The following DMXL1 variants were observed in gnomAD, a reference collection of about 807,000 sequenced individuals.
DMXL1 encodes Dmx like 1.
DMXL1 carries 99 observed loss-of-function variants against 319.2 expected under a neutral mutation model. The observed-to-expected ratio is 0.31, with a 90% confidence interval of 0.26 to 0.37. DMXL1 has a LOEUF of 0.37. Among genes scored for constraint, DMXL1 ranks in the 10% least tolerant of loss-of-function variants. DMXL1 has a pLI of 1.00. For missense variants in DMXL1, 3,745 were observed against 3,595.6 expected (o/e 1.04, Z -1.06); for synonymous variants, 1,385 against 1,235.2 (o/e 1.12, Z -2.54).
intron 8 of DMXL1, among the ~76,000 whole-genome samples, chr5:119,119,618 C>G (rs1761592303): frequency 6.6e-6 from 1 of 150,398 alleles, no homozygotes; most frequent in African/African-American, 2.5e-5. Context: ...TCACTGTATT[C>G]CTGGCCTTAG....
intron 34 of DMXL1, among the ~76,000 whole-genome samples, chr5:119,213,969 C>T (rs934239920): frequency 6.6e-6 from 1 of 152,054 alleles, no homozygotes; most frequent in Non-Finnish European, 1.5e-5. Context: ...CTGAATTGTC[C>T]TTTTTCCCAT....
intron 34 of DMXL1, among the ~76,000 whole-genome samples, chr5:119,209,552 T>A (rs1405269078): frequency 1.3e-5 from 2 of 152,046 alleles, no homozygotes; most frequent in Non-Finnish European, 2.9e-5. Flanking sequence ...TTCTCCATGT[T>A]GCTCAGGCTG....
chr5:119,122,752 C>T lies in DMXL1; in HGVS notation c.1102+1613C>T, dbSNP rs571034837. On this transcript the variant is annotated intron_variant, in intron 9 of 43. Coordinates refer to ENST00000539542, the MANE Select transcript of DMXL1 (RefSeq NM_001290321.3). ...CTCACTTCCTAGATGTGATGGTGGC[C>T]GGGAAGAGGCGCTCCTCACTTACTA... is the stretch of plus-strand genomic sequence containing the variant. Among the ~76,000 whole-genome samples the T allele has an allele frequency of 1.1e-3, 173 of 151,348 alleles. No homozygotes were observed. The East Asian group carries it at 0.014, about 12-fold the overall frequency.
At chr5:119,240,184 G>A (rs2150734823) in intron 41 of DMXL1, among the ~76,000 whole-genome samples, 1 of 152,122 alleles carries the variant, frequency 6.6e-6, no homozygotes, top group African/African-American at 2.4e-5. Context: ...GAGGTGGGAA[G>A]ATTGCTTGAG....
intron 9 of DMXL1, among the ~76,000 whole-genome samples, chr5:119,122,358 A>G (rs1762337154): frequency 1.4e-5 from 2 of 144,104 alleles, no homozygotes; most frequent in South Asian, 2.2e-4. Flanking sequence ...GGCCGGGCAG[A>G]GGGGCTCCTC....
chr5:119,143,826 T>C lies in DMXL1; in HGVS notation c.2377-15T>C. The C allele has an allele frequency of 6.5e-7, 1 of 1,540,704 alleles. No individual in the cohort carries two copies. On this transcript the variant is annotated splice_polypyrimidine_tract_variant and intron_variant, in intron 13 of 43. Coordinates refer to ENST00000539542, the MANE Select transcript of DMXL1 (RefSeq NM_001290321.3). The stretch of plus-strand genomic sequence containing the variant: ...GAATTGTTTAGTAAATTATAAATTT[T>C]TTTAAAAAAAACAGAAATATGTTGG...
chr5:119,131,898 T>C (rs1764980125), intron 10 of DMXL1, among the ~76,000 whole-genome samples: 1 of 152,366 alleles, frequency 6.6e-6, no homozygotes, highest in Non-Finnish European at 1.5e-5. Flanking sequence ...TGTGTGTTTG[T>C]ACTAATTGTA....
chr5:119,165,716 A>G (rs1311484467), intron 21 of DMXL1, among the ~76,000 whole-genome samples: 1 of 152,232 alleles, frequency 6.6e-6, no homozygotes, highest in Non-Finnish European at 1.5e-5. Context: ...GCAGCAGACA[A>G]GACAAAACAG....
Position 119,089,999 on chromosome 5 carries a change from C to CTTTTTT in DMXL1, c.88-7947_88-7942dup, listed in dbSNP as rs70982467. Among the ~76,000 whole-genome samples, 202 of 34,394 alleles carry CTTTTTT rather than the reference C, an allele frequency of 5.9e-3. 66 individuals are homozygous for CTTTTTT. Among genetic ancestry groups the CTTTTTT allele is most frequent in the East Asian group, 7.6e-3 (5 of 656 alleles). The allele number at this position is 34,394 out of a possible 152,430, so 22.6% of individuals were successfully genotyped here. A position where few individuals can be genotyped will look rare whatever the true frequency, so the allele number is the denominator to read the frequency against. On this transcript the variant is annotated intron_variant, in intron 1 of 43. Coordinates refer to ENST00000539542, the MANE Select transcript of DMXL1 (RefSeq NM_001290321.3). ...TGATTATTTTATGCTTCGGGTTAGT[C>CTTTTTT]TTTTTTTTTTTTTTTTTTTTTTTTT...
chr5:119,148,505 A>C (rs912867418), intron 17 of DMXL1, among the ~76,000 whole-genome samples: 21 of 152,068 alleles, frequency 1.4e-4, no homozygotes, highest in Non-Finnish European at 4.4e-5. Flanking sequence ...CTTTCTTTTT[A>C]TATACCTTTC....
intron 1 of DMXL1, among the ~76,000 whole-genome samples, chr5:119,092,517 A>G (rs1197389695): frequency 1.3e-5 from 2 of 152,166 alleles, no homozygotes; most frequent in East Asian, 1.9e-4. Context: ...TTTACATACC[A>G]TAAAGTTCAC....
At chr5:119,177,106 G>T (rs1057347416) in intron 26 of DMXL1, among the ~76,000 whole-genome samples, 1 of 151,926 alleles carries the variant, frequency 6.6e-6, no homozygotes. Flanking sequence ...TGCTACTTGT[G>T]GTACATAGCG....
chr5:119,078,975 C>T (rs2149681352), intron 1 of DMXL1, among the ~76,000 whole-genome samples: 1 of 152,288 alleles, frequency 6.6e-6, no homozygotes, highest in African/African-American at 2.4e-5. Flanking sequence ...TTGCGCCAGT[C>T]TGATGAAATT....
At chr5:119,087,478 T>A (rs1753631550) in intron 1 of DMXL1, among the ~76,000 whole-genome samples, 1 of 152,228 alleles carries the variant, frequency 6.6e-6, no homozygotes, top group Non-Finnish European at 1.5e-5. Context: ...AAGGGTTTTC[T>A]TACTGATTTC....
chr5:119,187,334 G>A (rs987803430), intron 28 of DMXL1, among the ~76,000 whole-genome samples: 3 of 152,116 alleles, frequency 2.0e-5, no homozygotes, highest in African/African-American at 7.2e-5. Context: ...TGCACCCAAG[G>A]AATGGCAAAC....
intron 30 of DMXL1, among the ~76,000 whole-genome samples, chr5:119,195,531 A>C (rs774517292): frequency 6.6e-6 from 1 of 152,228 alleles, no homozygotes; most frequent in African/African-American, 2.4e-5. Flanking sequence ...AGAATAGTGA[A>C]ATACATAAAG....
chr5:119,243,779 TG>T (rs1789237737), intron 42 of DMXL1, among the ~76,000 whole-genome samples: 1 of 152,216 alleles, frequency 6.6e-6, no homozygotes, highest in South Asian at 2.1e-4. Context: ...CTATTATTTC[TG>T]GGTTAGTTTC....
chr5:119,129,873 GAGTT>G (rs1198166622), intron 10 of DMXL1, among the ~76,000 whole-genome samples: 1 of 152,206 alleles, frequency 6.6e-6, no homozygotes, highest in African/African-American at 2.4e-5. Context: ...TATAGAGAGA[GAGTT>G]AGAGAGAAAG....
At chr5:119,101,856 T>G in intron 2 of DMXL1, 79 bp from the exon 3 acceptor site, 1 of 890,052 alleles carries the variant, frequency 1.1e-6, no homozygotes, top group East Asian at 2.7e-5. Flanking sequence ...TTTAAAGTTA[T>G]AGTATTCATT....
Sources: allele counts gnomAD v4.1 joint callset (sites outside exome capture counted in the v4.1 genomes callset), GRCh38; gene constraint gnomAD v4.1.1; transcripts MANE v1.5; gene names NCBI Gene and HGNC (gene_info 2026-07-23, HGNC 2026-07-21).